Variants in IWS1 observed in about 807,000 individuals in gnomAD.
The protein encoded by IWS1 is protein IWS1 homolog.
A neutral mutation model predicts 86.7 loss-of-function variants in IWS1; 27 were observed. The ratio of observed to expected loss-of-function variants is 0.31; its 90% CI spans 0.23 to 0.43. The LOEUF (loss-of-function observed/expected upper bound fraction) is 0.43, where lower values mean the gene tolerates loss of function less well. IWS1 is among the 20% of genes least tolerant of loss of function. IWS1 has a pLI of 1.00. For missense variants in IWS1, 827 were observed against 1,000.8 expected, an observed-to-expected ratio of 0.83 and a Z score of 2.34; for synonymous variants, 313 against 335.1, an observed-to-expected ratio of 0.93 and a Z score of 0.72.
Position 127,496,086 on chromosome 2 carries a change from C to T in IWS1, c.1628G>A (p.Arg543His), listed in dbSNP as rs771001473. The change falls in exon 7 of 14, where the codon CGC becomes CAC. Residue 543 changes from arginine (R) to histidine (H), a missense_variant. This residue lies in a region of IWS1 where 279 missense variants were observed against 440.6 expected (regional missense o/e 0.63). Transcript: ENST00000295321. ...GGTGCCACCATCGCGGTTCCGTCTG[C>T]GCTTGCCACTCATGCTCTTTTTTCG... ...LQRKKSMSGKRRRNRDGGTFI... is the reference protein window; with the variant it reads ...LQRKKSMSGKHRRNRDGGTFI... 9.9e-6 allele frequency: 16 copies of T among 1,613,850 alleles called. No homozygotes were observed. Among genetic ancestry groups the T allele is most frequent in the East Asian group, 4.5e-5 (2 of 44,868 alleles).
At chr2:127,481,983 T>C (rs1412070350) in intron 13 of IWS1, among the ~76,000 whole-genome samples, 1 of 152,230 alleles carries the variant, frequency 6.6e-6, no homozygotes, top group African/African-American at 2.4e-5. Context: ...GGCTATTTTA[T>C]ATTTTGAAAA....
At chr2:127,526,858 C>T, upstream of IWS1, 1 of 387,950 alleles carries the variant, frequency 2.6e-6, no homozygotes. Flanking sequence ...GGCAAGAAAG[C>T]GGGCGTTGCT....
Position 127,496,137 on chromosome 2 carries a change from A to G in IWS1, c.1577T>C (p.Leu526Pro), listed in dbSNP as rs1690499377. Residue 526 changes from leucine to proline, a missense_variant, in exon 7 of 14, where the codon CTG becomes CCG. Leu to Pro is a moderately conservative substitution (Grantham distance 98). Around this residue, in one of 2 missense-constraint regions of IWS1, gnomAD observed 279 missense variants for 440.6 expected, o/e 0.63. Transcript: ENST00000295321. Reference sequence around the variant, plus strand: ...CTGCAACATCATCTCAAAATCTGACAGAAAGTCCATACTAAAGCAGTAAAC... The same window carrying G: ...CTGCAACATCATCTCAAAATCTGACGGAAAGTCCATACTAAAGCAGTAAAC... ...NIKRGKHMDFLSDFEMMLQRK... is the reference protein window; with the variant it reads ...NIKRGKHMDFPSDFEMMLQRK... The G allele has an allele frequency of 1.9e-6, 3 of 1,613,172 alleles. No homozygotes were observed. In the African/African-American group the frequency reaches 4.0e-5, roughly 22 times the overall value.
At chr2:127,518,353 TA>T (rs1481095151) in intron 2 of IWS1, among the ~76,000 whole-genome samples, 2 of 152,098 alleles carry the variant, frequency 1.3e-5, no homozygotes, top group Admixed American at 6.6e-5. Flanking sequence ...CCATTGCTAC[TA>T]TAAATACAAA....
Position 127,498,157 on chromosome 2 carries a change from G to T in IWS1, c.1548C>A (p.Asn516Lys). 6.3e-7 allele frequency: 1 copy of T among 1,582,246 alleles called. No individual in the cohort carries two copies. Among genetic ancestry groups the T allele is most frequent in the Non-Finnish European group, 8.7e-7 (1 of 1,151,618 alleles). ...AAACTTACTGTTTTCCTCTCTTTAT[G>T]TTATCATCAGAATCTGAATCTTCTG... The part of the protein sequence containing the change: ...KEAEDSDSDD[N>K]IKRGKHMDFL... The change falls in exon 6 of 14, where the codon AAC becomes AAA. Residue 516 changes from asparagine (N) to lysine (K), a missense_variant. This residue lies in a region of IWS1 where 279 missense variants were observed against 440.6 expected (regional missense o/e 0.63). Coordinates refer to ENST00000295321, the MANE Select transcript of IWS1 (RefSeq NM_017969.3).
At position 127,505,638 on chromosome 2, in the gene IWS1, T is replaced by C; in HGVS notation, c.265A>G (p.Arg89Gly). Residue 89 changes from arginine to glycine, a missense_variant, in exon 3 of 14, where the codon AGG becomes GGG. Physicochemically the swap from Arg to Gly is moderately radical, Grantham distance 125. This residue lies in a region of IWS1 where 548 missense variants were observed against 560.2 expected (regional missense o/e 0.98). Transcript: ENST00000295321. The surrounding 1 kb of genome is among the most constrained non-coding windows in gnomAD (Gnocchi z 5.0). ...GATTCAGAGTCGCTGTCCTTTTGCC[T>C]GTGAAGCTCCTCACTTTCAGAGTCA... is the stretch of plus-strand genomic sequence containing the variant. ...ASDSESEELH[R>G]QKDSDSESEE... is the part of the protein sequence containing the mutation. 1 of 1,611,774 alleles carries C rather than the reference T, an allele frequency of 6.2e-7. No individual in the cohort carries two copies. Among genetic ancestry groups the C allele is most frequent in the Non-Finnish European group, 8.5e-7 (1 of 1,178,774 alleles).
chr2:127,523,290 T>G (rs1692206677), intron 2 of IWS1, among the ~76,000 whole-genome samples: 1 of 152,142 alleles, frequency 6.6e-6, no homozygotes, highest in Non-Finnish European at 1.5e-5. Context: ...GACATAAATG[T>G]TGACAGGTGA....
intron 2 of IWS1, among the ~76,000 whole-genome samples, chr2:127,520,389 G>C (rs551901139): frequency 2.0e-5 from 3 of 152,134 alleles, no homozygotes; most frequent in Non-Finnish European, 4.4e-5. Flanking sequence ...GGATGGTCTC[G>C]ATCTCTTGAC....
chr2:127,484,377 T>G lies in IWS1; in HGVS notation c.2328+2176A>C, dbSNP rs777564. The G allele has an allele frequency of 2.3e-3, 357 of 152,320 alleles. 2 individuals are homozygous for G. Among genetic ancestry groups the G allele is most frequent in the African/African-American group, 8.3e-3 (347 of 41,574 alleles). 9.4% of individuals were successfully genotyped at this position (152,320 alleles called of 1,614,324 possible). A position where few individuals can be genotyped will look rare whatever the true frequency, so the allele number is the denominator to read the frequency against. On this transcript the variant is annotated intron_variant, in intron 13 of 13. Coordinates refer to ENST00000295321, the MANE Select transcript of IWS1 (RefSeq NM_017969.3). ...TTTTTTATATTTATTTACATAACTT[T>G]GAAAACAAAAATGATACTTAAGACA...
At chr2:127,498,280 G>T in intron 5 of IWS1, 43 bp from the exon 6 acceptor site, 4 of 1,566,932 alleles carry the variant, frequency 2.6e-6, no homozygotes, top group South Asian at 2.4e-5. Flanking sequence ...ATTTTCTTCT[G>T]TATTAAGTGT....
At chr2:127,526,596 C>A, upstream of IWS1, 2 of 1,370,344 alleles carry the variant, frequency 1.5e-6, no homozygotes, top group Non-Finnish European at 9.7e-7. Context: ...AAGGAGACTC[C>A]TGGGAAAATT....
At chr2:127,494,413 C>G (rs558457967) in intron 8 of IWS1, 1 of 152,772 alleles carries the variant, frequency 6.5e-6, no homozygotes, top group East Asian at 1.9e-4. Context: ...TTACTATTTT[C>G]CATCACACGG....
chr2:127,519,023 C>T (rs187893677), intron 2 of IWS1, among the ~76,000 whole-genome samples: 19 of 152,202 alleles, frequency 1.2e-4, no homozygotes, highest in African/African-American at 4.3e-4. Flanking sequence ...CTGATCCTAA[C>T]TTTAAAGATT....
At position 127,489,147 on chromosome 2, in the gene IWS1, T is replaced by C. The variant is rs184600442; in HGVS notation, c.2216+32A>G. 2.0e-5 allele frequency: 30 copies of C among 1,516,674 alleles called. No homozygotes were observed. In the East Asian group the frequency reaches 6.5e-4, roughly 33 times the overall value. The allele number at this position is 1,516,674 out of a possible 1,614,324, so 94.0% of individuals were successfully genotyped here. On this transcript the variant is annotated intron_variant, in intron 12 of 13. Coordinates refer to ENST00000295321, the MANE Select transcript of IWS1 (RefSeq NM_017969.3). The surrounding 1 kb of genome is among the most constrained non-coding windows in gnomAD (Gnocchi z 4.8). ...CAGCAAACGGAAATTCTCTATATAG[T>C]CTAGGAAGAAAAATTAACATTAAAA... is the stretch of plus-strand genomic sequence containing the variant.
rs749305978 is a variant in IWS1 at position 127,496,085 on chromosome 2, G to A, written c.1629C>T (p.Arg543=). The change falls in exon 7 of 14, where the codon CGC becomes CGT. Residue 543 remains arginine (R), a synonymous_variant. Coordinates refer to ENST00000295321, the MANE Select transcript of IWS1 (RefSeq NM_017969.3). ...AGGTGCCACCATCGCGGTTCCGTCTGCGCTTGCCACTCATGCTCTTTTTTC... is the reference window on the plus strand; with the variant it reads ...AGGTGCCACCATCGCGGTTCCGTCTACGCTTGCCACTCATGCTCTTTTTTC... ...LQRKKSMSGK[R]RRNRDGGTFI... 6.2e-7 allele frequency: 1 copy of A among 1,614,054 alleles called. No individual in the cohort carries two copies. The highest frequency in any genetic ancestry group is 2.2e-5 in the East Asian group (1 of 44,858).
At chr2:127,512,585 T>C (rs1248094175) in intron 2 of IWS1, among the ~76,000 whole-genome samples, 1 of 152,226 alleles carries the variant, frequency 6.6e-6, no homozygotes, top group African/African-American at 2.4e-5. Flanking sequence ...CCTGTACCTG[T>C]TGCTCTTCTA....
rs1196222890 is a variant in IWS1 at position 127,499,432 on chromosome 2, T to C, written c.1468-1195A>G. Among the ~76,000 whole-genome samples, 2 of 152,204 alleles carry C rather than the reference T, an allele frequency of 1.3e-5. No homozygotes were observed. Among genetic ancestry groups the C allele is most frequent in the Non-Finnish European group, 2.9e-5 (2 of 68,040 alleles). ...TAAATGAAATGGCCTGTCTTTTCTT[T>C]ATAGTGTCTACCTTTTGTGTTATAC... On this transcript the variant is annotated intron_variant, in intron 5 of 13. Coordinates refer to ENST00000295321, the MANE Select transcript of IWS1 (RefSeq NM_017969.3). This position sits in a 1 kb window ranked among gnomAD's most constrained non-coding sequence, Gnocchi z 4.0.
chr2:127,481,349 G>A (rs1377146540), intron 13 of IWS1, among the ~76,000 whole-genome samples, 174 bp from the exon 14 acceptor site: 5 of 151,864 alleles, frequency 3.3e-5, no homozygotes, highest in African/African-American at 4.8e-5. Flanking sequence ...TGTTAGAAAC[G>A]CATATTAAAC....
intron 2 of IWS1, among the ~76,000 whole-genome samples, chr2:127,519,673 T>C (rs1419859038): frequency 1.3e-5 from 2 of 152,182 alleles, no homozygotes; most frequent in Non-Finnish European, 2.9e-5. Flanking sequence ...GTTCTAACCC[T>C]TGGAACCTGT....
Sources: allele counts gnomAD v4.1 joint callset (sites outside exome capture counted in the v4.1 genomes callset), GRCh38; gene constraint gnomAD v4.1.1; regional missense constraint gnomAD v4.1.1; non-coding constraint Gnocchi (gnomAD v3.1); transcripts MANE v1.5; gene names NCBI Gene and HGNC (gene_info 2026-07-23, HGNC 2026-07-21).